The following ZNF428 variants were observed in gnomAD, a reference collection of about 807,000 sequenced individuals.
ZNF428 encodes enzyme-like protein PIT13.
ZNF428 carries 5 observed loss-of-function variants against 15.6 expected under a neutral mutation model. The ratio of observed to expected loss-of-function variants is 0.32; its 90% CI spans 0.17 to 0.67. The LOEUF (loss-of-function observed/expected upper bound fraction) is 0.67, where lower values mean the gene tolerates loss of function less well. Ranked by LOEUF, ZNF428 falls within the 30% of genes least tolerant of loss-of-function variation. ZNF428 has a pLI of 0.73. For missense variants in ZNF428, 237 were observed against 256.0 expected, an observed-to-expected ratio of 0.93 and a Z score of 0.51; for synonymous variants, 97 against 102.2, an observed-to-expected ratio of 0.95 and a Z score of 0.31.
intron 2 of ZNF428, chr19:43,613,888 G>A (rs1469505688): frequency 1.9e-6 from 3 of 1,551,382 alleles, no homozygotes; most frequent in Non-Finnish European, 2.6e-6. Flanking sequence ...GCTCCAGCGA[G>A]GAGAGAGATC....
At chr19:43,617,222 T>C (rs1973380524) in intron 1 of ZNF428, among the ~76,000 whole-genome samples, 1 of 151,930 alleles carries the variant, frequency 6.6e-6, no homozygotes, top group Non-Finnish European at 1.5e-5. Context: ...GTGACTTCTC[T>C]CTCTCCCTCT....
chr19:43,611,349 T>C (rs1973295026), intron 2 of ZNF428, among the ~76,000 whole-genome samples: 1 of 149,776 alleles, frequency 6.7e-6, no homozygotes, highest in South Asian at 2.1e-4. Context: ...CGAGAGAGAG[T>C]CTCGCTGTCA....
intron 1 of ZNF428, among the ~76,000 whole-genome samples, chr19:43,619,137 G>C (rs1396500838): frequency 6.6e-6 from 1 of 152,180 alleles, no homozygotes; most frequent in Non-Finnish European, 1.5e-5. Context: ...CTTCCACTAC[G>C]GGACAATAAC....
At chr19:43,618,025 CTTTTTTTTTTT>C (rs35170127) in intron 1 of ZNF428, among the ~76,000 whole-genome samples, 13 of 55,328 alleles carry the variant, frequency 2.3e-4, no homozygotes, top group Non-Finnish European at 3.3e-4. Context: ...CCATGCCCGG[CTTTTTTTTTTT>C]TTTTTTTTTT....
rs1973249272 is a variant in ZNF428 at position 43,607,396 on chromosome 19, AACACACACACGGGCGGGAATACAC to A, written c.*197_*220del. 1 of 529,018 alleles carries A rather than the reference AACACACACACGGGCGGGAATACAC, an allele frequency of 1.9e-6. No homozygotes were observed. The allele number at this position is 529,018 out of a possible 1,614,324, so 32.8% of individuals were successfully genotyped here. A position where few individuals can be genotyped will look rare whatever the true frequency, so the allele number is the denominator to read the frequency against. ...ATACACACACACACACACACACACA[AACACACACACGGGCGGGAATACAC>A]ACACACACACACACACTCTGAACCA... On this transcript the variant is annotated 3_prime_UTR_variant, in exon 3 of 3. Transcript: ENST00000300811. The surrounding 1 kb of genome is among the most constrained non-coding windows in gnomAD (Gnocchi z 5.1).
Position 43,614,374 on chromosome 19 carries a change from C to G in ZNF428, c.-70G>C. ...CAGCGTCCCTCCCCGGCCAGCTCTC[C>G]ACAGCCACACCTCCGGCCACAAGTT... On this transcript the variant is annotated 5_prime_UTR_variant, in exon 2 of 3. Coordinates refer to ENST00000300811, the MANE Select transcript of ZNF428 (RefSeq NM_182498.4). 6.6e-7 allele frequency: 1 copy of G among 1,525,466 alleles called. No homozygotes were observed. 94.5% of individuals were successfully genotyped at this position (1,525,466 alleles called of 1,614,324 possible).
chr19:43,611,371 G>A (rs527501330), intron 2 of ZNF428, among the ~76,000 whole-genome samples: 12 of 151,770 alleles, frequency 7.9e-5, no homozygotes, highest in African/African-American at 1.9e-4. Flanking sequence ...CCAGGCTGGC[G>A]TGCAATGGCG....
At chr19:43,615,957 G>C (rs1334479467) in intron 1 of ZNF428, among the ~76,000 whole-genome samples, 1 of 152,120 alleles carries the variant, frequency 6.6e-6, no homozygotes, top group East Asian at 1.9e-4. Context: ...CATTGGGCAT[G>C]GACTTCTCTG....
intron 1 of ZNF428, among the ~76,000 whole-genome samples, chr19:43,616,256 TG>T (rs1973370814): frequency 6.6e-6 from 1 of 152,120 alleles, no homozygotes; most frequent in Non-Finnish European, 1.5e-5. Context: ...CCAACCCATC[TG>T]GAAGTATTTT....
intron 1 of ZNF428, among the ~76,000 whole-genome samples, chr19:43,617,868 A>T (rs931975724): frequency 6.6e-6 from 1 of 151,058 alleles, no homozygotes. Context: ...TATTTATTTA[A>T]TTTTCTTTTT....
chr19:43,617,684 C>T (rs549311676), intron 1 of ZNF428, among the ~76,000 whole-genome samples: 1 of 152,258 alleles, frequency 6.6e-6, no homozygotes, highest in African/African-American at 2.4e-5. Context: ...AAACAGAAGA[C>T]ATCCAATTAA....
At position 43,607,495 on chromosome 19, in the gene ZNF428, C is replaced by T; in HGVS notation, c.*122G>A. 1 of 1,287,576 alleles carries T rather than the reference C, an allele frequency of 7.8e-7. No individual in the cohort carries two copies. The highest frequency in any genetic ancestry group is 1.0e-6 in the Non-Finnish European group (1 of 958,108). The allele number at this position is 1,287,576 out of a possible 1,614,324, so 79.8% of individuals were successfully genotyped here. ...TTTTATTCTGGCCATCACACATCTA[C>T]TTCTAAGACAACACAGACCGGCAGT... On this transcript the variant is annotated 3_prime_UTR_variant, in exon 3 of 3. Coordinates refer to ENST00000300811, the MANE Select transcript of ZNF428 (RefSeq NM_182498.4). This position sits in a 1 kb window ranked among gnomAD's most constrained non-coding sequence, Gnocchi z 5.1.
intron 2 of ZNF428, among the ~76,000 whole-genome samples, chr19:43,609,358 T>C (rs957598119): frequency 1.4e-4 from 5 of 35,608 alleles, no homozygotes; most frequent in Non-Finnish European, 2.2e-4. Context: ...TCTGTGGCCA[T>C]GGAGAGAGAG....
At position 43,607,493 on chromosome 19, in the gene ZNF428, T is replaced by C; in HGVS notation, c.*124A>G. On this transcript the variant is annotated 3_prime_UTR_variant, in exon 3 of 3. Coordinates refer to ENST00000300811, the MANE Select transcript of ZNF428 (RefSeq NM_182498.4). This position sits in a 1 kb window ranked among gnomAD's most constrained non-coding sequence, Gnocchi z 5.1. ...GCTTTTATTCTGGCCATCACACATC[T>C]ACTTCTAAGACAACACAGACCGGCA... The C allele has an allele frequency of 7.9e-7, 1 of 1,258,380 alleles. No homozygotes were observed. Among genetic ancestry groups the C allele is most frequent in the Non-Finnish European group, 1.1e-6 (1 of 933,310 alleles). 78.0% of individuals were successfully genotyped at this position (1,258,380 alleles called of 1,614,324 possible).
chr19:43,616,773 A>C (rs1366119284), intron 1 of ZNF428, among the ~76,000 whole-genome samples: 1 of 150,168 alleles, frequency 6.7e-6, no homozygotes, highest in Non-Finnish European at 1.5e-5. Context: ...TGTGGGTCTT[A>C]GTACACCCAC....
At position 43,607,822 on chromosome 19, in the gene ZNF428, T is replaced by C; in HGVS notation, c.362A>G (p.Gln121Arg). ...CCTGCCTTCAGGGGCTGGTGCTTCC[T>C]GGGGGGCTGTAGCAGGGCAGCAGAG... ...CRLCCPATAPQEAPAPEGRAL... is the reference protein window; with the variant it reads ...CRLCCPATAPREAPAPEGRAL... Residue 121 changes from glutamine (Q) to arginine (R), a missense_variant, in exon 3 of 3, where the codon CAG (glutamine) becomes CGG (arginine). By Grantham distance (43) the Gln-to-Arg change is conservative. Transcript: ENST00000300811. This position sits in a 1 kb window ranked among gnomAD's most constrained non-coding sequence, Gnocchi z 5.1. 1 of 1,566,490 alleles carries C rather than the reference T, an allele frequency of 6.4e-7. No individual in the cohort carries two copies. Among genetic ancestry groups the C allele is most frequent in the African/African-American group, 1.4e-5 (1 of 73,746 alleles).
intron 1 of ZNF428, 119 bp from the exon 2 acceptor site, chr19:43,614,553 G>A (rs1453635971): frequency 9.1e-6 from 8 of 883,490 alleles, no homozygotes; most frequent in Non-Finnish European, 1.3e-5. Context: ...CCCCAGCTCT[G>A]TCCCTGACTG....
At chr19:43,613,884 G>T in intron 2 of ZNF428, 2 of 1,551,382 alleles carry the variant, frequency 1.3e-6, no homozygotes, top group Non-Finnish European at 1.7e-6. Flanking sequence ...AGAAGCTCCA[G>T]CGAGGAGAGA....
intron 1 of ZNF428, among the ~76,000 whole-genome samples, 200 bp downstream of exon 1, chr19:43,619,358 C>A (rs955895089): frequency 4.6e-5 from 7 of 152,240 alleles, no homozygotes; most frequent in Non-Finnish European, 1.0e-4. Context: ...ACTCCCACAG[C>A]GCTTCAAGGC....
Sources: allele counts gnomAD v4.1 joint callset (sites outside exome capture counted in the v4.1 genomes callset), GRCh38; gene constraint gnomAD v4.1.1; non-coding constraint Gnocchi (gnomAD v3.1); transcripts MANE v1.5; gene names NCBI Gene and HGNC (gene_info 2026-07-23, HGNC 2026-07-21).